CACNA2D3: variants seen among roughly 807,000 people sequenced by gnomAD.
The protein encoded by CACNA2D3 is calcium voltage-gated channel auxiliary subunit alpha2delta 3.
Under a neutral mutation model 160.6 loss-of-function variants are expected in CACNA2D3, and 60 were observed. That is an observed-to-expected ratio of 0.37 (90% CI 0.30 to 0.46). The LOEUF (loss-of-function observed/expected upper bound fraction) is 0.46, where lower values mean the gene tolerates loss of function less well. Ranked by LOEUF, CACNA2D3 falls within the 20% of genes least tolerant of loss-of-function variation. The pLI is 1.00. For missense variants in CACNA2D3, 1,205 were observed against 1,365.0 expected, an observed-to-expected ratio of 0.88 and a Z score of 1.85; for synonymous variants, 558 against 492.9, an observed-to-expected ratio of 1.13 and a Z score of -1.75.
intron 35 of CACNA2D3, among the ~76,000 whole-genome samples, chr3:55,042,889 C>T (rs2107193282): frequency 6.6e-6 from 1 of 152,238 alleles, no homozygotes; most frequent in African/African-American, 2.4e-5. Context: ...TAGAATCATA[C>T]AGAATATAGC....
chr3:54,833,810 G>A (rs930880399), intron 14 of CACNA2D3, among the ~76,000 whole-genome samples: 17 of 152,058 alleles, frequency 1.1e-4, no homozygotes, highest in African/African-American at 4.1e-4. Context: ...GTATTTCTGT[G>A]TTCCTGCCAG....
At chr3:54,974,432 T>C (rs1409822360) in intron 29 of CACNA2D3, among the ~76,000 whole-genome samples, 1 of 152,240 alleles carries the variant, frequency 6.6e-6, no homozygotes, top group African/African-American at 2.4e-5. Context: ...TCATAGTCTG[T>C]GATTCTCAAA....
At chr3:54,483,051 A>AGAAT (rs973079169) in intron 4 of CACNA2D3, among the ~76,000 whole-genome samples, 13 of 152,308 alleles carry the variant, frequency 8.5e-5, no homozygotes, top group South Asian at 4.1e-4. Flanking sequence ...GCTAATTGAG[A>AGAAT]GAATGAATGA....
At chr3:54,493,647 A>G (rs1701152268) in intron 4 of CACNA2D3, among the ~76,000 whole-genome samples, 1 of 152,188 alleles carries the variant, frequency 6.6e-6, no homozygotes, top group Non-Finnish European at 1.5e-5. Flanking sequence ...TTCAAGGCCC[A>G]GCCTCGTGCA....
intron 35 of CACNA2D3, among the ~76,000 whole-genome samples, chr3:55,052,920 C>A (rs1203268056): frequency 6.6e-6 from 1 of 152,092 alleles, no homozygotes; most frequent in African/African-American, 2.4e-5. Context: ...TTGGGTTTCA[C>A]CTTTTAATCC....
At position 54,665,545 on chromosome 3, in the gene CACNA2D3, A is replaced by ATAC. The variant is rs10554350; in HGVS notation, c.1167+23309_1167+23311dup. 1.3e-4 allele frequency among the ~76,000 whole-genome samples: 19 copies of ATAC among 151,956 alleles called. No individual in the cohort carries two copies. The East Asian group carries it at 3.7e-3, about 30-fold the overall frequency. On this transcript the variant is annotated intron_variant, in intron 11 of 37. Transcript: ENST00000474759. Reference sequence around the variant, plus strand: ...GAAAATCAGTTTTCCTCAGCTCCATATACTACTGTGTAAATGACCACATGT... The same window carrying ATAC: ...GAAAATCAGTTTTCCTCAGCTCCATATACTACTACTGTGTAAATGACCACATGT...
At chr3:54,883,110 A>G (rs1404025615) in intron 21 of CACNA2D3, among the ~76,000 whole-genome samples, 1 of 152,028 alleles carries the variant, frequency 6.6e-6, no homozygotes, top group African/African-American at 2.4e-5. Context: ...AGCCTCCACC[A>G]TCTCCTGGGT....
rs184316474 is a variant in CACNA2D3, at chr3:54,667,895, C to T, written c.1167+25654C>T. 2.0e-4 allele frequency among the ~76,000 whole-genome samples: 30 copies of T among 150,912 alleles called. 1 individual carries two copies. In the East Asian group the frequency reaches 5.3e-3, roughly 27 times the overall value. On this transcript the variant is annotated intron_variant, in intron 11 of 37. Coordinates refer to ENST00000474759, the MANE Select transcript of CACNA2D3 (RefSeq NM_018398.3). ...CTGGGAGGTCAAGGCTGCAGTGAGCCGTAATTACGTGACTGCACTCCAGCC... is the reference window on the plus strand; with the variant it reads ...CTGGGAGGTCAAGGCTGCAGTGAGCTGTAATTACGTGACTGCACTCCAGCC...
chr3:54,414,003 T>A (rs565900006), intron 4 of CACNA2D3, among the ~76,000 whole-genome samples: 4 of 151,946 alleles, frequency 2.6e-5, no homozygotes, highest in African/African-American at 9.6e-5. Flanking sequence ...TTGTATACAT[T>A]TACTTATAAG....
rs1377331829 is a variant in CACNA2D3 at position 54,160,917 on chromosome 3, A to G, written c.204+37323A>G. Among the ~76,000 whole-genome samples the G allele has an allele frequency of 2.0e-5, 3 of 152,172 alleles. No individual in the cohort carries two copies. In the East Asian group the frequency reaches 5.8e-4, roughly 29 times the overall value. ...AAATTGCCTGAAGAAATGGGATTGG[A>G]TGAGACCATTTTGCCGAAAGAAAAA... On this transcript the variant is annotated intron_variant, in intron 2 of 37. Transcript: ENST00000474759.
intron 5 of CACNA2D3, among the ~76,000 whole-genome samples, chr3:54,536,679 C>T (rs1281433053): frequency 6.6e-6 from 1 of 152,192 alleles, no homozygotes; most frequent in Non-Finnish European, 1.5e-5. Context: ...GCCAGCAGGC[C>T]CCAAAAGCAG....
intron 2 of CACNA2D3, among the ~76,000 whole-genome samples, chr3:54,149,171 A>G (rs193056455): frequency 3.3e-5 from 5 of 151,910 alleles, no homozygotes; most frequent in African/African-American, 1.2e-4. Flanking sequence ...TTGTGGACTC[A>G]GGGAAGGAGC....
intron 13 of CACNA2D3, among the ~76,000 whole-genome samples, chr3:54,803,238 G>C (rs1280491444): frequency 6.6e-6 from 1 of 152,212 alleles, no homozygotes; most frequent in Non-Finnish European, 1.5e-5. Context: ...GAGGGAAGAA[G>C]GCTTCAGACG....
In CACNA2D3 at chr3:54,627,627, G is replaced by GAGTA. The variant is rs571794989; in HGVS notation, c.964-156_964-153dup. Among the ~76,000 whole-genome samples, 325 of 152,318 alleles carry GAGTA rather than the reference G, an allele frequency of 2.1e-3. 2 individuals carry two copies. Among genetic ancestry groups the GAGTA allele is most frequent in the African/African-American group, 7.2e-3 (299 of 41,562 alleles). On this transcript the variant is annotated intron_variant, in intron 9 of 37. Coordinates refer to ENST00000474759, the MANE Select transcript of CACNA2D3 (RefSeq NM_018398.3). ...GAATATTGAAGGTAAGTTTTACATT[G>GAGTA]AGTAAGTTCTTATGTTTTGAATGTA...
intron 35 of CACNA2D3, among the ~76,000 whole-genome samples, chr3:55,071,882 T>C (rs915214064): frequency 2.0e-5 from 3 of 152,232 alleles, no homozygotes; most frequent in African/African-American, 7.2e-5. Context: ...CTTGGTTTTG[T>C]ACTTGTCTTT....
chr3:54,639,154 G>A (rs1699448497), intron 10 of CACNA2D3: 1 of 151,686 alleles, frequency 6.6e-6, no homozygotes, highest in Non-Finnish European at 1.5e-5. Context: ...AGCGATTGGG[G>A]GGTTCTTGCC....
At chr3:55,050,206 C>T (rs1704165485) in intron 35 of CACNA2D3, among the ~76,000 whole-genome samples, 1 of 150,426 alleles carries the variant, frequency 6.6e-6, no homozygotes, top group Non-Finnish European at 1.5e-5. Context: ...TCTCGATGGT[C>T]TTTACATTTT....
chr3:54,359,567 A>G lies in CACNA2D3; in HGVS notation c.322-27148A>G, dbSNP rs961371227. ...CCAATGTCTCATATGGGAGTTCTCCAAGATATTTCCTCTGGAACACAAGTT... is the reference window on the plus strand; with the variant it reads ...CCAATGTCTCATATGGGAGTTCTCCGAGATATTTCCTCTGGAACACAAGTT... On this transcript the variant is annotated intron_variant, in intron 3 of 37. Transcript: ENST00000474759. Among the ~76,000 whole-genome samples the G allele has an allele frequency of 9.2e-5, 14 of 152,196 alleles. No individual in the cohort carries two copies. In the South Asian group the frequency reaches 2.9e-3, roughly 32 times the overall value.
At chr3:54,143,862 T>C (rs1699978977) in intron 2 of CACNA2D3, among the ~76,000 whole-genome samples, 1 of 152,238 alleles carries the variant, frequency 6.6e-6, no homozygotes, top group Admixed American at 6.5e-5. Context: ...TATGTATATT[T>C]GTGTATATGT....
Sources: gnomAD v4.1 joint callset for allele counts (sites outside exome capture counted in the v4.1 genomes callset) on GRCh38, gnomAD v4.1.1 for gene constraint, MANE v1.5 for transcripts, NCBI Gene and HGNC (gene_info 2026-07-23, HGNC 2026-07-21) for gene names.